ROBO1: variants seen among roughly 807,000 people sequenced by gnomAD.
The protein encoded by ROBO1 is roundabout homolog 1.
In ROBO1, 149 loss-of-function variants were observed where a neutral mutation model predicts 195.9. That is an observed-to-expected ratio of 0.76 (90% CI 0.67 to 0.87). The LOEUF (loss-of-function observed/expected upper bound fraction) is 0.87. Among genes scored for constraint, ROBO1 ranks in the 40% least tolerant of loss-of-function variants. ROBO1 has a pLI of 0.00. For synonymous variants in ROBO1, 816 were observed against 733.2 expected, an observed-to-expected ratio of 1.11 and a Z score of -1.82; for missense variants, 1,933 against 2,068.3, an observed-to-expected ratio of 0.93 and a Z score of 1.27.
chr3:79,350,589 T>C (rs137930177), intron 2 of ROBO1, among the ~76,000 whole-genome samples: 267 of 152,264 alleles, frequency 1.8e-3, no homozygotes, highest in African/African-American at 6.0e-3. Flanking sequence ...TATATCTTTA[T>C]AATGGAATGT....
rs999834730 is a variant in ROBO1 at position 78,695,405 on chromosome 3, C to T, written c.1046-6633G>A. On this transcript the variant is annotated intron_variant, in intron 8 of 30. Transcript: ENST00000464233. The stretch of plus-strand genomic sequence containing the variant: ...CTTTGGGAGGCCAAGGCAGGCGGAT[C>T]ATGAAGTCAGGAGATCGAGACCATC... 3.3e-5 allele frequency among the ~76,000 whole-genome samples: 5 copies of T among 152,174 alleles called. No homozygotes were observed. In the South Asian group the frequency reaches 1.0e-3, roughly 32 times the overall value.
intron 2 of ROBO1, among the ~76,000 whole-genome samples, chr3:79,316,064 G>C (rs530134889): frequency 6.6e-6 from 1 of 152,250 alleles, no homozygotes; most frequent in African/African-American, 2.4e-5. Flanking sequence ...TGACCCCACA[G>C]TGATTCAGAA....
chr3:78,834,931 T>C (rs2032572620), intron 4 of ROBO1, among the ~76,000 whole-genome samples: 1 of 152,210 alleles, frequency 6.6e-6, no homozygotes, highest in Admixed American at 6.5e-5. Context: ...AACTTTTGCT[T>C]ATATAATGAC....
chr3:79,284,018 G>C (rs1576920912), intron 2 of ROBO1, among the ~76,000 whole-genome samples: 1 of 151,532 alleles, frequency 6.6e-6, no homozygotes, highest in Non-Finnish European at 1.5e-5. Flanking sequence ...TCTTAAAAAT[G>C]TTTTCTGTTT....
intron 4 of ROBO1, among the ~76,000 whole-genome samples, chr3:78,808,240 G>A (rs11718731): frequency 0.24 from 37,000 of 151,830 alleles, 4,733 homozygotes; most frequent in East Asian, 0.49. Context: ...ACTCTCGCTC[G>A]ATTGCCCAGG....
At chr3:79,432,649 G>A (rs1464770613) in intron 2 of ROBO1, among the ~76,000 whole-genome samples, 2 of 152,116 alleles carry the variant, frequency 1.3e-5, no homozygotes, top group African/African-American at 4.8e-5. Flanking sequence ...CAGCCTAAGA[G>A]AGAGATAGAG....
chr3:79,414,248 C>G (rs1472601296), intron 2 of ROBO1, among the ~76,000 whole-genome samples: 1 of 150,816 alleles, frequency 6.6e-6, no homozygotes, highest in Non-Finnish European at 1.5e-5. Context: ...TTCTCTTTCT[C>G]TGTGTGTGTA....
At chr3:79,551,981 A>T (rs1249865660) in intron 2 of ROBO1, among the ~76,000 whole-genome samples, 1 of 19,388 alleles carries the variant, frequency 5.2e-5, no homozygotes, top group Non-Finnish European at 9.8e-5. Context: ...CTACAGAGTT[A>T]AAAAAAAAAA....
intron 3 of ROBO1, among the ~76,000 whole-genome samples, chr3:79,115,905 A>G (rs2079984993): frequency 6.6e-6 from 1 of 152,198 alleles, no homozygotes; most frequent in South Asian, 2.1e-4. Context: ...TTATTTTCCA[A>G]TGATAAAGTG....
At chr3:79,240,161 T>A (rs955592904) in intron 2 of ROBO1, among the ~76,000 whole-genome samples, 1 of 152,212 alleles carries the variant, frequency 6.6e-6, no homozygotes, top group South Asian at 2.1e-4. Context: ...AATACATTGT[T>A]ATTAACGATG....
chr3:78,604,703 C>T (rs1246285906), intron 29 of ROBO1, among the ~76,000 whole-genome samples: 1 of 152,042 alleles, frequency 6.6e-6, no homozygotes, highest in Non-Finnish European at 1.5e-5. Flanking sequence ...AGAAACTGCC[C>T]TCTGTGTTGA....
chr3:78,787,045 G>A (rs1481021989), intron 4 of ROBO1, among the ~76,000 whole-genome samples: 2 of 152,080 alleles, frequency 1.3e-5, no homozygotes, highest in Admixed American at 6.5e-5. Context: ...CACCTAGATG[G>A]CTTTGATAAA....
intron 2 of ROBO1, among the ~76,000 whole-genome samples, chr3:79,139,025 G>A (rs1479761635): frequency 2.0e-5 from 3 of 151,722 alleles, no homozygotes; most frequent in African/African-American, 7.2e-5. Flanking sequence ...TACAAAAATT[G>A]TCAAGTAGAG....
intron 17 of ROBO1, among the ~76,000 whole-genome samples, chr3:78,658,768 C>T (rs1274648540): frequency 6.6e-6 from 1 of 152,106 alleles, no homozygotes; most frequent in Non-Finnish European, 1.5e-5. Context: ...ATACATAACA[C>T]CAAGAAATGC....
In ROBO1 at chr3:79,018,340, G is replaced by A. The variant is rs1254351731; in HGVS notation, c.173-79413C>T. ...GTAACCAAAATACACTTCTGGGTTT[G>A]ATCGTGCAAAGTGGAGAGGGGGCGA... On this transcript the variant is annotated intron_variant, in intron 3 of 30. Coordinates refer to ENST00000464233, the MANE Select transcript of ROBO1 (RefSeq NM_002941.4). 1.9e-6 allele frequency: 3 copies of A among 1,590,006 alleles called. No individual in the cohort carries two copies. The African/African-American group carries it at 4.0e-5, about 21-fold the overall frequency.
At chr3:78,686,062 C>T (rs1016617513) in intron 9 of ROBO1, 145 bp from the exon 10 acceptor site, 4 of 638,484 alleles carry the variant, frequency 6.3e-6, no homozygotes, top group Non-Finnish European at 7.8e-6. Context: ...TATATACACA[C>T]ACAAAAATGA....
chr3:79,261,860 G>A (rs755379379), intron 2 of ROBO1, among the ~76,000 whole-genome samples: 1 of 151,980 alleles, frequency 6.6e-6, no homozygotes, highest in Non-Finnish European at 1.5e-5. Context: ...AGAAAAACCA[G>A]AAATCAACTG....
In ROBO1 at chr3:78,606,758, T is replaced by A. The variant is rs767818822; in HGVS notation, c.4719A>T (p.Pro1573=). 60 of 1,613,794 alleles carry A rather than the reference T, an allele frequency of 3.7e-5. No individual in the cohort carries two copies. Among genetic ancestry groups the A allele is most frequent in the Admixed American group, 6.7e-5 (4 of 59,982 alleles). The part of the protein sequence containing the change: ...RGNKAAKRDL[P]PAKTHLIQED... Reference sequence around the variant, plus strand: ...CTTGGATGAGATGAGTCTTTGCTGGTGGAAGGTCTCGTTTTGCTGCCTTGT... The same window carrying A: ...CTTGGATGAGATGAGTCTTTGCTGGAGGAAGGTCTCGTTTTGCTGCCTTGT... Residue 1573 remains proline (P), a synonymous_variant, in exon 29 of 31, where the codon CCA becomes CCT. Coordinates refer to ENST00000464233, the MANE Select transcript of ROBO1 (RefSeq NM_002941.4).
intron 3 of ROBO1, among the ~76,000 whole-genome samples, chr3:78,956,126 T>C (rs2041035318): frequency 6.6e-6 from 1 of 152,192 alleles, no homozygotes; most frequent in Non-Finnish European, 1.5e-5. Context: ...TAATCATAAA[T>C]ACTTAAATAG....
Sources: gnomAD v4.1 joint callset for allele counts (sites outside exome capture counted in the v4.1 genomes callset) on GRCh38, gnomAD v4.1.1 for gene constraint, MANE v1.5 for transcripts, NCBI Gene and HGNC (gene_info 2026-07-23, HGNC 2026-07-21) for gene names.